The following A1BG variants were observed in gnomAD, a reference collection of about 807,000 sequenced individuals.
A1BG encodes the protein alpha-1B-glycoprotein.
Under a neutral mutation model 46.0 loss-of-function variants are expected in A1BG, and 44 were observed. The ratio of observed to expected loss-of-function variants is 0.96; its 90% confidence interval spans 0.75 to 1.23. The LOEUF is 1.23. Among genes scored for constraint, A1BG ranks in the 50% most tolerant of loss-of-function variants. The pLI is 0.00. For synonymous variants in A1BG, 316 were observed against 314.7 expected, an observed-to-expected ratio of 1.00 and a Z score of -0.04; for missense variants, 707 against 688.8, an observed-to-expected ratio of 1.03 and a Z score of -0.30.
chr19:58,348,149 C>A (rs899226576), intron 6 of A1BG, among the ~76,000 whole-genome samples: 18 of 152,142 alleles, frequency 1.2e-4, no homozygotes, highest in African/African-American at 4.3e-4. Flanking sequence ...CTCAGGAGTT[C>A]CAGACCAGCC....
intron 6 of A1BG, among the ~76,000 whole-genome samples, chr19:58,348,020 T>G (rs1379485694): frequency 6.6e-6 from 1 of 152,166 alleles, no homozygotes; most frequent in Non-Finnish European, 1.5e-5. Context: ...TCTATGTCAA[T>G]AGATGAGGGT....
At chr19:58,347,769 T>C in intron 6 of A1BG, 129 bp from the exon 7 acceptor site, 1 of 554,888 alleles carries the variant, frequency 1.8e-6, no homozygotes, top group Non-Finnish European at 2.6e-6. Flanking sequence ...CCTGTCTTGT[T>C]CCTGGGCGCA....
At chr19:58,351,763 C>G in intron 4 of A1BG, 76 bp from the exon 5 acceptor site, 1 of 1,415,340 alleles carries the variant, frequency 7.1e-7, no homozygotes, top group Non-Finnish European at 9.5e-7. Flanking sequence ...CCTCTGCCCT[C>G]CGGGTGGCAA....
chr19:58,352,297 G>A lies in A1BG; in HGVS notation c.599C>T (p.Thr200Ile). 1 of 1,613,812 alleles carries A rather than the reference G, an allele frequency of 6.2e-7. No homozygotes were observed. The highest frequency in any genetic ancestry group is 8.5e-7 in the Non-Finnish European group (1 of 1,179,986). ...CCCACAGTCACCGAGCTCCTCAATG[G>A]TCACAGTAGCGCTGGGCTCAGAGAG... ...GALSEPSATVTIEELAAPPPP... is the reference protein window; with the variant it reads ...GALSEPSATVIIEELAAPPPP... The change falls in exon 4 of 8, where the codon ACC becomes ATC. Residue 200 changes from threonine to isoleucine, a missense_variant. Thr to Ile is a moderately conservative substitution (Grantham distance 89, BLOSUM62 -1). Coordinates refer to ENST00000263100, the MANE Select transcript of A1BG (RefSeq NM_130786.4).
At chr19:58,350,261 C>A in intron 6 of A1BG, 109 bp downstream of exon 6, 1 of 1,370,116 alleles carries the variant, frequency 7.3e-7, no homozygotes, top group Non-Finnish European at 9.6e-7. Flanking sequence ...GGGGGCTGAA[C>A]CAAGGCCCAG....
intron 3 of A1BG, 47 bp from the exon 4 acceptor site, chr19:58,352,602 G>A (rs1481884777): frequency 5.1e-6 from 8 of 1,580,120 alleles, no homozygotes; most frequent in Non-Finnish European, 6.0e-6. Context: ...AACAGGAGAC[G>A]TGGGAAGCCC....
chr19:58,347,941 G>A, intron 6 of A1BG: 1 of 269,358 alleles, frequency 3.7e-6, no homozygotes, highest in Non-Finnish European at 7.0e-6. Context: ...CACTCTGACG[G>A]GTGAAGGGAA....
intron 4 of A1BG, 125 bp from the exon 5 acceptor site, chr19:58,351,812 T>TC (rs2051962267): frequency 3.7e-6 from 4 of 1,088,082 alleles, no homozygotes; most frequent in Non-Finnish European, 5.1e-6. Flanking sequence ...TTTTTTTTTT[T>TC]TGAAACGGAG....
At position 58,353,207 on chromosome 19, in the gene A1BG, G is replaced by A. The variant is rs1181431218; in HGVS notation, c.71-10C>T. 2.5e-6 allele frequency: 4 copies of A among 1,613,436 alleles called. No individual in the cohort carries two copies. Among genetic ancestry groups the A allele is most frequent in the Admixed American group, 1.7e-5 (1 of 59,998 alleles). ...GGCTGCGTCTCATAAACTGCAAGGG[G>A]TGGCTGGGATCAGCTCAGTGCCACA... On this transcript the variant is annotated splice_polypyrimidine_tract_variant and intron_variant, in intron 2 of 7. Transcript: ENST00000263100.
intron 4 of A1BG, 105 bp from the exon 5 acceptor site, chr19:58,351,792 A>ATTATTT: frequency 1.0e-6 from 1 of 968,378 alleles, no homozygotes; most frequent in Non-Finnish European, 1.4e-6. Context: ...ACACCCTTCC[A>ATTATTT]TTCTTTTTTT....
chr19:58,350,997 C>T (rs1477544809), intron 5 of A1BG: 3 of 416,902 alleles, frequency 7.2e-6, no homozygotes, highest in African/African-American at 4.0e-5. Flanking sequence ...GCCCGCCCCA[C>T]GGAGGGGCCC....
In A1BG at chr19:58,351,038, C is replaced by T; in HGVS notation, c.910+353G>A. The T allele has an allele frequency of 9.0e-6, 4 of 443,514 alleles. No individual in the cohort carries two copies. In the South Asian group the frequency reaches 1.3e-4, roughly 14 times the overall value. 27.5% of individuals were successfully genotyped at this position (443,514 alleles called of 1,614,324 possible). ...GTCCGCTGGGCATGGGGTTCGCTGTCCGGTGCTCAGAGTTTGCTAAATACC... is the reference window on the plus strand; with the variant it reads ...GTCCGCTGGGCATGGGGTTCGCTGTTCGGTGCTCAGAGTTTGCTAAATACC... On this transcript the variant is annotated intron_variant, in intron 5 of 7. Coordinates refer to ENST00000263100, the MANE Select transcript of A1BG (RefSeq NM_130786.4).
In A1BG at chr19:58,346,884, A is replaced by G. The variant is rs1288776573; in HGVS notation, c.*138T>C. 1.1e-6 allele frequency: 1 copy of G among 923,134 alleles called. No individual in the cohort carries two copies. The highest frequency in any genetic ancestry group is 1.8e-6 in the Non-Finnish European group (1 of 550,834). 57.2% of individuals were successfully genotyped at this position (923,134 alleles called of 1,614,324 possible). A position where few individuals can be genotyped will look rare whatever the true frequency, so the allele number is the denominator to read the frequency against. ...AACAGAGCCTCTCTTCACATTTATT[A>G]ATTCCTGGGAGGAATGAGGGAGGCT... On this transcript the variant is annotated 3_prime_UTR_variant, in exon 8 of 8. Transcript: ENST00000263100.
intron 6 of A1BG, among the ~76,000 whole-genome samples, chr19:58,349,307 T>C (rs1205710701): frequency 6.6e-6 from 1 of 151,958 alleles, no homozygotes; most frequent in Non-Finnish European, 1.5e-5. Context: ...TGAGCCACCT[T>C]GCCTGGCCAA....
intron 6 of A1BG, 59 bp from the exon 7 acceptor site, chr19:58,347,699 C>CGCCCCAGGCCAT (rs2051926010): frequency 1.6e-6 from 1 of 642,902 alleles, no homozygotes; most frequent in African/African-American, 2.3e-5. Flanking sequence ...CCCCAGGCCA[C>CGCCCCAGGCCAT]ACCCCAGGCC....
At chr19:58,348,480 T>C (rs1449330997) in intron 6 of A1BG, 2 of 152,300 alleles carry the variant, frequency 1.3e-5, no homozygotes, top group African/African-American at 4.8e-5. Flanking sequence ...TAAATGTGTA[T>C]TTTATTCAAT....
In A1BG at chr19:58,353,204, G is replaced by C; in HGVS notation, c.71-7C>G. 6.2e-7 allele frequency: 1 copy of C among 1,613,532 alleles called. No individual in the cohort carries two copies. Among genetic ancestry groups the C allele is most frequent in the Non-Finnish European group, 8.5e-7 (1 of 1,179,572 alleles). On this transcript the variant is annotated splice_polypyrimidine_tract_variant and splice_region_variant and intron_variant, in intron 2 of 7. Coordinates refer to ENST00000263100, the MANE Select transcript of A1BG (RefSeq NM_130786.4). ...CTGGGCTGCGTCTCATAAACTGCAA[G>C]GGGTGGCTGGGATCAGCTCAGTGCC...
In A1BG at chr19:58,350,619, G is replaced by A. The variant is rs746866751; in HGVS notation, c.943C>T (p.Pro315Ser). Residue 315 changes from proline to serine, a missense_variant, in exon 6 of 8, where the codon CCG becomes TCG. Physicochemically the swap from Pro to Ser is moderately conservative, Grantham distance 74. Coordinates refer to ENST00000263100, the MANE Select transcript of A1BG (RefSeq NM_130786.4). Reference protein sequence around the residue: ...TLPAPEFSPEPESGRALRLRC... With the variant: ...TLPAPEFSPESESGRALRLRC... The stretch of plus-strand genomic sequence containing the variant: ...AGCCGCAAGGCCCTGCCGGACTCCG[G>A]CTCCGGGGAGAACTCCGGCGCGGGC... 44 of 1,439,214 alleles carry A rather than the reference G, an allele frequency of 3.1e-5. No homozygotes were observed. In the South Asian group the frequency reaches 6.5e-4, roughly 21 times the overall value. 89.2% of individuals were successfully genotyped at this position (1,439,214 alleles called of 1,614,324 possible). A position where few individuals can be genotyped will look rare whatever the true frequency, so the allele number is the denominator to read the frequency against.
intron 1 of A1BG, 37 bp from the exon 2 acceptor site, chr19:58,353,364 C>G: frequency 1.2e-6 from 2 of 1,610,198 alleles, no homozygotes; most frequent in Non-Finnish European, 1.7e-6. Flanking sequence ...CTGTTCCCGC[C>G]CCCTCCCGCC....
Sources: gnomAD v4.1 joint callset for allele counts (sites outside exome capture counted in the v4.1 genomes callset) on GRCh38, gnomAD v4.1.1 for gene constraint, MANE v1.5 for transcripts, NCBI Gene and HGNC (gene_info 2026-07-23, HGNC 2026-07-21) for gene names.